Variants in CCSER1 observed in about 807,000 individuals in gnomAD.
CCSER1 encodes coiled-coil serine rich protein 1, also known as serine-rich coiled-coil domain-containing protein 1.
In CCSER1, 41 loss-of-function variants were observed where a neutral mutation model predicts 82.0. The ratio of observed to expected loss-of-function variants is 0.50; its 90% CI spans 0.39 to 0.65. The LOEUF (loss-of-function observed/expected upper bound fraction) is 0.65. Among genes scored for constraint, CCSER1 ranks in the 30% least tolerant of loss-of-function variants. CCSER1 has a pLI of 0.00. For synonymous variants in CCSER1, 414 were observed against 383.9 expected, an observed-to-expected ratio of 1.08 and a Z score of -0.92; for missense variants, 1,119 against 1,064.2, an observed-to-expected ratio of 1.05 and a Z score of -0.72.
intron 10 of CCSER1, among the ~76,000 whole-genome samples, chr4:91,152,891 G>A (rs7684372): frequency 0.037 from 5,613 of 152,056 alleles, 329 homozygotes; most frequent in African/African-American, 0.13. Context: ...GGGATCCGCT[G>A]TTAGGCTTCC....
rs987984243 is a variant in CCSER1, at chr4:90,825,980, G to A, written c.2094+10135G>A. 2.2e-4 allele frequency among the ~76,000 whole-genome samples: 33 copies of A among 151,968 alleles called. 1 individual carries two copies. Among genetic ancestry groups the A allele is most frequent in the Admixed American group, 1.9e-3 (29 of 15,240 alleles). On this transcript the variant is annotated intron_variant, in intron 8 of 10. Coordinates refer to ENST00000509176, the MANE Select transcript of CCSER1 (RefSeq NM_001145065.2). ...GCTGGGATTACAGGCCTGAGTCACC[G>A]CACTCAGCACAACAATTGTTTTTTA...
chr4:90,350,234 A>G (rs980354711), intron 3 of CCSER1, among the ~76,000 whole-genome samples: 1 of 152,126 alleles, frequency 6.6e-6, no homozygotes, highest in African/African-American at 2.4e-5. Context: ...TGAGCATTCA[A>G]ATATGTATGT....
chr4:91,361,539 T>C (rs954304387), intron 10 of CCSER1, among the ~76,000 whole-genome samples: 1 of 151,790 alleles, frequency 6.6e-6, no homozygotes, highest in African/African-American at 2.4e-5. Context: ...ATAGACAGGA[T>C]GTGAGAAATA....
Position 90,995,064 on chromosome 4 carries a change from A to G in CCSER1, c.2172+71617A>G, listed in dbSNP as rs558416692. Among the ~76,000 whole-genome samples, 13 of 152,276 alleles carry G rather than the reference A, an allele frequency of 8.5e-5. 1 individual carries two copies. In the South Asian group the frequency reaches 2.7e-3, roughly 32 times the overall value. ...AACTTTCATCCATAAATCTTTTTGC[A>G]ATTTTACAAACATGCATTCTCCAAA... On this transcript the variant is annotated intron_variant, in intron 9 of 10. Transcript: ENST00000509176.
chr4:90,195,145 T>C (rs914564568), intron 1 of CCSER1, among the ~76,000 whole-genome samples: 2 of 152,110 alleles, frequency 1.3e-5, no homozygotes, highest in Non-Finnish European at 1.5e-5. Flanking sequence ...CAGAAACCTG[T>C]ACATGGATAG....
intron 1 of CCSER1, among the ~76,000 whole-genome samples, chr4:90,182,300 A>G (rs974507476): frequency 1.3e-5 from 2 of 152,084 alleles, no homozygotes; most frequent in African/African-American, 2.4e-5. Context: ...GACTCATTTT[A>G]TTTGACCTAA....
At chr4:90,314,112 T>A (rs752548914) in intron 3 of CCSER1, among the ~76,000 whole-genome samples, 33 of 152,198 alleles carry the variant, frequency 2.2e-4, no homozygotes, top group Non-Finnish European at 4.6e-4. Context: ...TTAATCGTTT[T>A]TTTCTGGTGT....
intron 1 of CCSER1, among the ~76,000 whole-genome samples, chr4:90,161,658 ACAAG>A (rs1729471635): frequency 6.6e-6 from 1 of 152,184 alleles, no homozygotes; most frequent in South Asian, 2.1e-4. Flanking sequence ...AGTTTTAAGC[ACAAG>A]CAAATATTGA....
At chr4:90,492,228 T>C (rs931464793) in intron 5 of CCSER1, among the ~76,000 whole-genome samples, 1 of 152,114 alleles carries the variant, frequency 6.6e-6, no homozygotes, top group African/African-American at 2.4e-5. Context: ...ATTCAACTTC[T>C]TCCTGGTTTA....
rs114886008 is a variant in CCSER1 at position 90,390,835 on chromosome 4, G to A, written c.1510-9201G>A. Among the ~76,000 whole-genome samples the A allele has an allele frequency of 2.7e-3, 410 of 152,184 alleles. 2 individuals are homozygous for A. The highest frequency in any genetic ancestry group is 8.6e-3 in the African/African-American group (356 of 41,522). On this transcript the variant is annotated intron_variant, in intron 3 of 10. Coordinates refer to ENST00000509176, the MANE Select transcript of CCSER1 (RefSeq NM_001145065.2). Reference sequence around the variant, plus strand: ...GATTGCTGAGTTGAGTGGTAATTTCGTTTTAAGTTCTCTGAGAAATCTCCA... The same window carrying A: ...GATTGCTGAGTTGAGTGGTAATTTCATTTTAAGTTCTCTGAGAAATCTCCA...
At chr4:90,985,193 T>G (rs1219042292) in intron 9 of CCSER1, among the ~76,000 whole-genome samples, 2 of 151,756 alleles carry the variant, frequency 1.3e-5, no homozygotes, top group African/African-American at 4.8e-5. Flanking sequence ...TTGTTTGTAT[T>G]TTTTGTAATT....
intron 4 of CCSER1, among the ~76,000 whole-genome samples, chr4:90,467,678 G>A (rs967434575): frequency 4.0e-5 from 6 of 150,970 alleles, no homozygotes; most frequent in African/African-American, 7.3e-5. Flanking sequence ...GCGAGACTCC[G>A]TCTCAAAAAA....
intron 8 of CCSER1, among the ~76,000 whole-genome samples, chr4:90,849,873 T>C (rs982240204): frequency 6.7e-6 from 1 of 150,052 alleles, no homozygotes; most frequent in African/African-American, 2.5e-5. Context: ...AGGAGGTGAA[T>C]GTTAATCACC....
intron 5 of CCSER1, among the ~76,000 whole-genome samples, chr4:90,594,694 C>T (rs1783104362): frequency 6.6e-6 from 1 of 152,050 alleles, no homozygotes; most frequent in Admixed American, 6.6e-5. Flanking sequence ...TCCTTGTGAA[C>T]AACATGTAGA....
intron 5 of CCSER1, among the ~76,000 whole-genome samples, chr4:90,569,069 T>C (rs381329): frequency 6.6e-6 from 1 of 152,152 alleles, no homozygotes; most frequent in African/African-American, 2.4e-5. Context: ...TTCTTTTTTG[T>C]GGCTGATTTT....
At chr4:91,483,893 T>A (rs1042626238) in intron 10 of CCSER1, among the ~76,000 whole-genome samples, 15 of 152,144 alleles carry the variant, frequency 9.9e-5, no homozygotes, top group Admixed American at 3.9e-4. Flanking sequence ...AAGTTTTAAA[T>A]GAATAGAGTT....
intron 10 of CCSER1, among the ~76,000 whole-genome samples, chr4:91,331,370 C>T (rs1036596658): frequency 6.6e-6 from 1 of 152,030 alleles, no homozygotes; most frequent in African/African-American, 2.4e-5. Flanking sequence ...TCTAGACCCA[C>T]TCTTGCTCAT....
At chr4:91,363,859 G>A (rs1462113773) in intron 10 of CCSER1, among the ~76,000 whole-genome samples, 2 of 151,670 alleles carry the variant, frequency 1.3e-5, no homozygotes, top group African/African-American at 4.8e-5. Flanking sequence ...ATTACTTTTA[G>A]TTTGAGGTTT....
At chr4:91,522,617 T>G (rs948858402) in intron 10 of CCSER1, among the ~76,000 whole-genome samples, 1 of 152,180 alleles carries the variant, frequency 6.6e-6, no homozygotes, top group African/African-American at 2.4e-5. Flanking sequence ...TCCTAGGTAT[T>G]TTATTCTCTT....
Sources: allele counts gnomAD v4.1 joint callset (sites outside exome capture counted in the v4.1 genomes callset), GRCh38; gene constraint gnomAD v4.1.1; transcripts MANE v1.5; gene names NCBI Gene and HGNC (gene_info 2026-07-23, HGNC 2026-07-21).